ANP32A: variants seen among roughly 807,000 people sequenced by gnomAD.
ANP32A encodes acidic nuclear phosphoprotein 32 family member A, also known as acidic leucine-rich nuclear phosphoprotein 32 family member A.
A neutral mutation model predicts 33.9 loss-of-function variants in ANP32A; 1 was observed. The observed-to-expected ratio is 0.03, with a 90% CI of 0.01 to 0.14. The LOEUF (loss-of-function observed/expected upper bound fraction) is 0.14, where lower values mean the gene tolerates loss of function less well. Ranked by LOEUF, ANP32A falls within the 10% of genes least tolerant of loss-of-function variation. ANP32A has a pLI of 1.00. For synonymous variants in ANP32A, 115 were observed against 120.5 expected (o/e 0.95, Z 0.30); for missense variants, 155 against 306.0 (o/e 0.51, Z 3.68).
At chr15:68,792,391 T>C (rs1894008830) in intron 1 of ANP32A, 1 of 152,088 alleles carries the variant, frequency 6.6e-6, no homozygotes, top group Admixed American at 6.6e-5. Context: ...AAAGGAGCCC[T>C]CATATTCATA....
chr15:68,802,870 TC>T (rs1257669545), intron 1 of ANP32A, among the ~76,000 whole-genome samples: 2 of 152,188 alleles, frequency 1.3e-5, no homozygotes, highest in Non-Finnish European at 2.9e-5. Flanking sequence ...GTCAGGCTGG[TC>T]TCGAACTCCT....
chr15:68,820,868 C>A lies in ANP32A; in HGVS notation c.-117G>T. Reference sequence around the variant, plus strand: ...GGCTCAACCAGCTCCGCTCGGTTCTCGAGCCCCCAGCACCCGCGGCGCACA... The same window carrying A: ...GGCTCAACCAGCTCCGCTCGGTTCTAGAGCCCCCAGCACCCGCGGCGCACA... On this transcript the variant is annotated 5_prime_UTR_variant, in exon 1 of 7. Coordinates refer to ENST00000465139, the MANE Select transcript of ANP32A (RefSeq NM_006305.4). 1 of 1,270,972 alleles carries A rather than the reference C, an allele frequency of 7.9e-7. No homozygotes were observed. Among genetic ancestry groups the A allele is most frequent in the South Asian group, 1.2e-5 (1 of 80,720 alleles). 78.7% of individuals were successfully genotyped at this position (1,270,972 alleles called of 1,614,324 possible).
rs1894461446 is a variant in ANP32A at position 68,820,639 on chromosome 15, C to CAG, written c.54+58_54+59insCT. 4 of 1,439,734 alleles carry CAG rather than the reference C, an allele frequency of 2.8e-6. No homozygotes were observed. The Admixed American group carries it at 7.0e-5, about 25-fold the overall frequency. The allele number at this position is 1,439,734 out of a possible 1,614,324, so 89.2% of individuals were successfully genotyped here. A position where few individuals can be genotyped will look rare whatever the true frequency, so the allele number is the denominator to read the frequency against. Reference sequence around the variant, plus strand: ...AGTGCCTCCCCCCAGCGCGCACACACACACACACACACAAAGTAGGAGAAT... The same window carrying CAG: ...AGTGCCTCCCCCCAGCGCGCACACACAGACACACACACACAAAGTAGGAGAAT... On this transcript the variant is annotated intron_variant, in intron 1 of 6. Coordinates refer to ENST00000465139, the MANE Select transcript of ANP32A (RefSeq NM_006305.4).
chr15:68,791,671 G>C (rs908127982), intron 1 of ANP32A: 2 of 152,736 alleles, frequency 1.3e-5, no homozygotes, highest in African/African-American at 4.8e-5. Context: ...CGTTTTAAAG[G>C]TGGTGTCTTC....
At chr15:68,801,319 C>T (rs1054365989) in intron 1 of ANP32A, among the ~76,000 whole-genome samples, 14 of 151,528 alleles carry the variant, frequency 9.2e-5, no homozygotes, top group Admixed American at 2.0e-4. Flanking sequence ...GCCTAATCTA[C>T]ACCCCGGACA....
intron 3 of ANP32A, among the ~76,000 whole-genome samples, chr15:68,786,397 C>A (rs1893934258): frequency 6.6e-6 from 1 of 151,634 alleles, no homozygotes; most frequent in African/African-American, 2.4e-5. Context: ...GTGGCTGGGA[C>A]TACAGGCGTG....
intron 1 of ANP32A, among the ~76,000 whole-genome samples, chr15:68,802,819 A>ATTTTTTTTTTTTTTTTTTTTTTT (rs1228755138): frequency 4.6e-5 from 7 of 151,894 alleles, no homozygotes; most frequent in Non-Finnish European, 1.0e-4. Context: ...TGCCCGGCTA[A>ATTTTTTTTTTTTTTTTTTTTTTT]TTTTTTATAT....
chr15:68,801,202 T>G (rs1555423692), intron 1 of ANP32A, among the ~76,000 whole-genome samples: 1 of 121,764 alleles, frequency 8.2e-6, no homozygotes, highest in African/African-American at 3.4e-5. Context: ...TGCTCTGCCT[T>G]AAAGGAAGAA....
At chr15:68,799,288 CACAG>C (rs1283997984) in intron 1 of ANP32A, among the ~76,000 whole-genome samples, 2 of 152,124 alleles carry the variant, frequency 1.3e-5, no homozygotes. Context: ...GAGAGACAGA[CACAG>C]ACAGAGAAAG....
At chr15:68,805,797 C>T (rs115837148) in intron 1 of ANP32A, among the ~76,000 whole-genome samples, 4 of 152,298 alleles carry the variant, frequency 2.6e-5, no homozygotes, top group Admixed American at 1.3e-4. Flanking sequence ...TCTCCTTTAA[C>T]GCAGCCTTAT....
At chr15:68,807,431 G>T (rs527376429) in intron 1 of ANP32A, among the ~76,000 whole-genome samples, 6 of 141,738 alleles carry the variant, frequency 4.2e-5, no homozygotes, top group African/African-American at 1.4e-4. Context: ...AGAAAACGGG[G>T]GGGGGGGAGT....
intron 1 of ANP32A, chr15:68,789,961 A>G (rs565660056): frequency 6.6e-6 from 1 of 152,318 alleles, no homozygotes; most frequent in South Asian, 2.1e-4. Context: ...AGTGCCTGGG[A>G]ATAAATCCTG....
intron 1 of ANP32A, among the ~76,000 whole-genome samples, chr15:68,794,919 A>C (rs1172069163): frequency 1.3e-5 from 2 of 152,196 alleles, no homozygotes; most frequent in African/African-American, 4.8e-5. Context: ...TAACACTTGC[A>C]ATTACTTTCT....
At chr15:68,794,005 G>C (rs183018994) in intron 1 of ANP32A, among the ~76,000 whole-genome samples, 2 of 152,194 alleles carry the variant, frequency 1.3e-5, no homozygotes, top group Admixed American at 6.5e-5. Flanking sequence ...GCAGGCTCTC[G>C]AGTCCGAGAG....
At chr15:68,819,854 T>C (rs996368445) in intron 1 of ANP32A, among the ~76,000 whole-genome samples, 7 of 152,140 alleles carry the variant, frequency 4.6e-5, no homozygotes, top group Non-Finnish European at 8.8e-5. Context: ...CCCCTCCTTC[T>C]AATTTATCCT....
At chr15:68,787,725 T>TCCCCCC in intron 2 of ANP32A, 45 bp downstream of exon 2, 2 of 1,597,686 alleles carry the variant, frequency 1.3e-6, no homozygotes, top group Non-Finnish European at 8.6e-7. Context: ...CCCTTCCCAC[T>TCCCCCC]CCCCACCCCC....
At chr15:68,795,378 G>C (rs1054430725) in intron 1 of ANP32A, among the ~76,000 whole-genome samples, 5 of 152,206 alleles carry the variant, frequency 3.3e-5, no homozygotes, top group Non-Finnish European at 7.3e-5. Context: ...ATGGCCCGGG[G>C]AAGTCGGTGA....
intron 1 of ANP32A, among the ~76,000 whole-genome samples, chr15:68,816,472 G>A (rs143267708): frequency 2.8e-4 from 43 of 152,224 alleles, no homozygotes; most frequent in African/African-American, 8.4e-4. Flanking sequence ...CTTAAGAAAT[G>A]TGCCAGACAC....
In ANP32A at chr15:68,810,825, C is replaced by G. The variant is rs145990598; in HGVS notation, c.54+9873G>C. ...CTGTAATCCCAGCACTTTGGGAGGC[C>G]GAGGCAGGCAGATCACTTGAGGTCA... On this transcript the variant is annotated intron_variant, in intron 1 of 6. Coordinates refer to ENST00000465139, the MANE Select transcript of ANP32A (RefSeq NM_006305.4). 7.2e-5 allele frequency among the ~76,000 whole-genome samples: 11 copies of G among 151,950 alleles called. No homozygotes were observed. In the East Asian group the frequency reaches 1.9e-3, roughly 27 times the overall value.
Sources: allele counts gnomAD v4.1 joint callset (sites outside exome capture counted in the v4.1 genomes callset), GRCh38; gene constraint gnomAD v4.1.1; transcripts MANE v1.5; gene names NCBI Gene and HGNC (gene_info 2026-07-23, HGNC 2026-07-21).